Variants in FRMD6 observed in about 807,000 individuals in gnomAD.
FRMD6 encodes the protein FERM domain containing 6.
In FRMD6, 37 loss-of-function variants were observed where a neutral mutation model predicts 73.2. The observed-to-expected ratio is 0.51, with a 90% CI of 0.39 to 0.66. FRMD6 has a LOEUF of 0.66. Ranked by LOEUF, FRMD6 falls within the 30% of genes least tolerant of loss-of-function variation. The probability of loss-of-function intolerance (pLI) is 0.00; values close to 1 mark genes in which losing one functional copy is unlikely to be tolerated. For missense variants in FRMD6, 714 were observed against 780.5 expected, an observed-to-expected ratio of 0.91 and a Z score of 1.02; for synonymous variants, 273 against 282.2, an observed-to-expected ratio of 0.97 and a Z score of 0.33.
intron 7 of FRMD6, among the ~76,000 whole-genome samples, chr14:51,710,200 T>G (rs1358696845): frequency 6.6e-6 from 1 of 152,206 alleles, no homozygotes; most frequent in Non-Finnish European, 1.5e-5. Context: ...CTAAAAAGAT[T>G]TTTAGTAAAA....
intron 1 of FRMD6, among the ~76,000 whole-genome samples, chr14:51,524,261 G>A (rs1299132237): frequency 6.6e-6 from 1 of 151,948 alleles, no homozygotes; most frequent in African/African-American, 2.4e-5. Context: ...TCTGTAAATT[G>A]GAGGTCAAAA....
chr14:51,451,815 A>G, the FRMD6 span, among the ~76,000 whole-genome samples: 139,608 of 152,342 alleles, frequency 0.92, 64,199 homozygotes, highest in African/African-American at 0.94. Context: ...GGTCTTAACC[A>G]GAAGCAGATG....
At chr14:51,540,576 C>A (rs1366192158) in intron 1 of FRMD6, among the ~76,000 whole-genome samples, 1 of 152,088 alleles carries the variant, frequency 6.6e-6, no homozygotes, top group Non-Finnish European at 1.5e-5. Flanking sequence ...TAAGATGATT[C>A]ATGGCAAACT....
At chr14:51,578,739 GA>G (rs1315674269) in intron 2 of FRMD6, among the ~76,000 whole-genome samples, 1 of 152,140 alleles carries the variant, frequency 6.6e-6, no homozygotes, top group African/African-American at 2.4e-5. Flanking sequence ...TATAGACGAG[GA>G]AACTGAGGCT....
chr14:51,467,175 G>C, the FRMD6 span, among the ~76,000 whole-genome samples: 4 of 152,116 alleles, frequency 2.6e-5, no homozygotes. Context: ...GACTCTTAAG[G>C]AGCATGCTGC....
intron 2 of FRMD6, among the ~76,000 whole-genome samples, chr14:51,610,604 T>C (rs115123390): frequency 0.012 from 1,817 of 152,278 alleles, 36 homozygotes; most frequent in African/African-American, 0.041. Flanking sequence ...AAAATCACTT[T>C]TTATTGGTCA....
the FRMD6 span, among the ~76,000 whole-genome samples, chr14:51,446,821 A>G: frequency 1.3e-5 from 2 of 152,178 alleles, no homozygotes; most frequent in Non-Finnish European, 2.9e-5. Flanking sequence ...TTTAAGGGGA[A>G]GACTGAAGCT....
At chr14:51,657,655 C>T (rs191470834) in intron 1 of FRMD6, among the ~76,000 whole-genome samples, 1 of 151,886 alleles carries the variant, frequency 6.6e-6, no homozygotes, top group Non-Finnish European at 1.5e-5. Context: ...TTTGATGGCT[C>T]TAAAAAATGT....
intron 2 of FRMD6, among the ~76,000 whole-genome samples, chr14:51,609,336 A>G (rs1185172904): frequency 6.6e-6 from 1 of 152,208 alleles, no homozygotes; most frequent in East Asian, 1.9e-4. Context: ...GGTGAGGGCC[A>G]TGGTCTGTGC....
At chr14:51,612,648 G>C (rs1461759992) in intron 2 of FRMD6, among the ~76,000 whole-genome samples, 1 of 152,146 alleles carries the variant, frequency 6.6e-6, no homozygotes, top group African/African-American at 2.4e-5. Context: ...ACTTCTGTAG[G>C]TCTTGATTTT....
At chr14:51,616,149 T>C (rs551953613) in intron 2 of FRMD6, among the ~76,000 whole-genome samples, 9 of 151,884 alleles carry the variant, frequency 5.9e-5, no homozygotes, top group Non-Finnish European at 1.0e-4. Context: ...CATGAGAGGA[T>C]AGGAAGTTGA....
intron 9 of FRMD6, among the ~76,000 whole-genome samples, chr14:51,712,875 C>T (rs1236399527): frequency 1.3e-5 from 2 of 152,092 alleles, no homozygotes; most frequent in African/African-American, 2.4e-5. Flanking sequence ...AGGTATTTCG[C>T]GTAGAGGTTA....
chr14:51,529,867 G>A (rs980157365), intron 1 of FRMD6, among the ~76,000 whole-genome samples: 1 of 152,334 alleles, frequency 6.6e-6, no homozygotes, highest in Non-Finnish European at 1.5e-5. Flanking sequence ...ACAAAAGCAC[G>A]TTCTGAGTAT....
chr14:51,668,553 A>G (rs541600566), intron 1 of FRMD6, among the ~76,000 whole-genome samples: 44 of 152,148 alleles, frequency 2.9e-4, no homozygotes, highest in African/African-American at 1.0e-3. Flanking sequence ...TGATCTGCCC[A>G]CCTTAGCCTC....
intron 1 of FRMD6, among the ~76,000 whole-genome samples, chr14:51,507,650 C>A (rs1051848516): frequency 1.3e-5 from 2 of 152,160 alleles, no homozygotes; most frequent in African/African-American, 4.8e-5. Context: ...CCTCTTTCCC[C>A]TCTCCCTTCC....
chr14:51,503,866 G>C (rs1267513992), intron 1 of FRMD6, among the ~76,000 whole-genome samples: 1 of 148,898 alleles, frequency 6.7e-6, no homozygotes, highest in African/African-American at 2.5e-5. Flanking sequence ...TTTTTTTTTG[G>C]GGGGGGGTTT....
intron 1 of FRMD6, among the ~76,000 whole-genome samples, chr14:51,508,773 A>G (rs972855985): frequency 6.6e-6 from 1 of 152,190 alleles, no homozygotes; most frequent in African/African-American, 2.4e-5. Context: ...TCTCTTGCCT[A>G]TAAGCTTGAT....
chr14:51,582,027 G>T (rs114335076), intron 2 of FRMD6, among the ~76,000 whole-genome samples: 1,734 of 152,256 alleles, frequency 0.011, 26 homozygotes, highest in African/African-American at 0.039. Context: ...TAGACTGTAG[G>T]CTCCTTTAGA....
intron 1 of FRMD6, among the ~76,000 whole-genome samples, chr14:51,515,971 TTGAAG>T (rs1884614610): frequency 2.0e-5 from 3 of 152,234 alleles, no homozygotes; most frequent in Admixed American, 1.3e-4. Flanking sequence ...TGCAAAGGGG[TTGAAG>T]GCCAGAAGGA....
Sources: gnomAD v4.1 joint callset for allele counts (sites outside exome capture counted in the v4.1 genomes callset) on GRCh38, gnomAD v4.1.1 for gene constraint, MANE v1.5 for transcripts, NCBI Gene and HGNC (gene_info 2026-07-23, HGNC 2026-07-21) for gene names.